Variants in FOXP2 observed in about 807,000 individuals in gnomAD.
FOXP2 encodes forkhead box protein P2.
FOXP2 carries 12 observed loss-of-function variants against 115.8 expected under a neutral mutation model. That is an observed-to-expected ratio of 0.10 (90% CI 0.07 to 0.17). The LOEUF is 0.17. Among genes scored for constraint, FOXP2 ranks in the 10% least tolerant of loss-of-function variants. FOXP2 has a pLI of 1.00. For synonymous variants in FOXP2, 328 were observed against 297.7 expected (o/e 1.10, Z -1.05); for missense variants, 629 against 843.5 (o/e 0.75, Z 3.15).
At chr7:114,316,175 T>G (rs1185730064) in intron 2 of FOXP2, among the ~76,000 whole-genome samples, 2 of 152,202 alleles carry the variant, frequency 1.3e-5, no homozygotes, top group Non-Finnish European at 2.9e-5. Context: ...TGGGTACATG[T>G]CTGTGAATGG....
chr7:114,512,631 T>G (rs1798130930), intron 2 of FOXP2, among the ~76,000 whole-genome samples: 1 of 152,164 alleles, frequency 6.6e-6, no homozygotes, highest in South Asian at 2.1e-4. Flanking sequence ...GAATATTGTC[T>G]TTAAGAAGGG....
chr7:114,227,616 G>T (rs181285181), intron 1 of FOXP2, among the ~76,000 whole-genome samples: 169 of 151,952 alleles, frequency 1.1e-3, no homozygotes, highest in African/African-American at 3.8e-3. Flanking sequence ...TTTTTTTAAA[G>T]TTAGAGGAAT....
intron 2 of FOXP2, among the ~76,000 whole-genome samples, chr7:114,377,283 C>A (rs1479910388): frequency 6.6e-6 from 1 of 151,948 alleles, no homozygotes; most frequent in African/African-American, 2.4e-5. Context: ...TCATTGAACA[C>A]TAGGTATTAA....
intron 2 of FOXP2, among the ~76,000 whole-genome samples, chr7:114,510,169 T>C (rs1414584513): frequency 6.6e-6 from 1 of 152,168 alleles, no homozygotes; most frequent in African/African-American, 2.4e-5. Context: ...CTTTCACATT[T>C]AAAGTAAGTG....
At chr7:114,305,113 G>C (rs1295020770) in intron 2 of FOXP2, among the ~76,000 whole-genome samples, 1 of 151,948 alleles carries the variant, frequency 6.6e-6, no homozygotes, top group African/African-American at 2.4e-5. Flanking sequence ...TCATTTAAAA[G>C]GTTTGTAAGA....
At chr7:114,167,712 G>A (rs376145641) in intron 1 of FOXP2, among the ~76,000 whole-genome samples, 25 of 152,082 alleles carry the variant, frequency 1.6e-4, no homozygotes, top group East Asian at 7.7e-4. Flanking sequence ...TGAGGCAGGC[G>A]GATCAGGAGG....
At chr7:114,582,733 T>C (rs1307110666) in intron 3 of FOXP2, among the ~76,000 whole-genome samples, 3 of 152,180 alleles carry the variant, frequency 2.0e-5, no homozygotes, top group Non-Finnish European at 2.9e-5. Flanking sequence ...ATAAAGCTTT[T>C]CAAATTTTAG....
intron 3 of FOXP2, among the ~76,000 whole-genome samples, chr7:114,582,808 GTTTC>G (rs2129302547): frequency 6.6e-6 from 1 of 152,224 alleles, no homozygotes; most frequent in Non-Finnish European, 1.5e-5. Flanking sequence ...TATTATGATA[GTTTC>G]TTTTTTACTG....
chr7:114,225,087 A>AT (rs1794713146), intron 1 of FOXP2, among the ~76,000 whole-genome samples: 1 of 151,790 alleles, frequency 6.6e-6, no homozygotes, highest in Admixed American at 6.6e-5. Flanking sequence ...TTATTTTTAT[A>AT]TTTTGCTGGC....
chr7:114,431,266 G>A lies in FOXP2; in HGVS notation c.168+4587G>A, dbSNP rs571373942. ...AATCCTTTCACATTTGTTATCTCTC[G>A]CCCAATTCCAGGGATGGGGCGCCTT... On this transcript the variant is annotated intron_variant, in intron 2 of 16. Transcript: ENST00000350908. 5.3e-5 allele frequency among the ~76,000 whole-genome samples: 8 copies of A among 151,730 alleles called. No individual in the cohort carries two copies. In the East Asian group the frequency reaches 5.8e-4, roughly 11 times the overall value.
chr7:114,350,753 G>T (rs1791466046), intron 2 of FOXP2, among the ~76,000 whole-genome samples: 1 of 151,958 alleles, frequency 6.6e-6, no homozygotes, highest in Non-Finnish European at 1.5e-5. Flanking sequence ...TGGTTATTCT[G>T]CTACAATTTA....
At chr7:114,240,844 T>C in intron 1 of FOXP2, among the ~76,000 whole-genome samples, 1 of 152,064 alleles carries the variant, frequency 6.6e-6, no homozygotes, top group East Asian at 1.9e-4. Context: ...ACCAAACCTA[T>C]TAAATGAATA....
intron 2 of FOXP2, among the ~76,000 whole-genome samples, chr7:114,340,627 C>G (rs1000558882): frequency 2.0e-5 from 3 of 151,016 alleles, no homozygotes; most frequent in Non-Finnish European, 4.5e-5. Flanking sequence ...CTTGGAGGTC[C>G]TCTAACCACT....
At chr7:114,629,031 T>G in intron 4 of FOXP2, 1 of 254,208 alleles carries the variant, frequency 3.9e-6, no homozygotes. Context: ...TCCTAACACC[T>G]TAGCATTCCT....
At chr7:114,234,298 A>C (rs911287598) in intron 1 of FOXP2, among the ~76,000 whole-genome samples, 2 of 152,176 alleles carry the variant, frequency 1.3e-5, no homozygotes, top group Middle Eastern at 3.2e-3. Context: ...CAGCAGGGTT[A>C]AGATTTTCTT....
intron 2 of FOXP2, among the ~76,000 whole-genome samples, chr7:114,527,573 T>G (rs913364944): frequency 3.3e-5 from 5 of 152,158 alleles, no homozygotes; most frequent in African/African-American, 9.7e-5. Flanking sequence ...AAATCTGTTG[T>G]CAGTGGGATC....
At chr7:114,114,587 C>A (rs1791355345) in intron 1 of FOXP2, among the ~76,000 whole-genome samples, 1 of 151,932 alleles carries the variant, frequency 6.6e-6, no homozygotes, top group Non-Finnish European at 1.5e-5. Context: ...CTCCATTGTG[C>A]CATAGATGAA....
At chr7:114,225,939 A>G (rs932885411) in intron 1 of FOXP2, among the ~76,000 whole-genome samples, 1 of 152,162 alleles carries the variant, frequency 6.6e-6, no homozygotes, top group Non-Finnish European at 1.5e-5. Context: ...ACTTGTAGAA[A>G]GAGACTCTGA....
At chr7:114,341,754 C>G (rs945506377) in intron 2 of FOXP2, among the ~76,000 whole-genome samples, 2 of 151,242 alleles carry the variant, frequency 1.3e-5, no homozygotes, top group Non-Finnish European at 1.5e-5. Flanking sequence ...CATTAGCTAA[C>G]TACACCATTT....
Sources: allele counts gnomAD v4.1 joint callset (sites outside exome capture counted in the v4.1 genomes callset), GRCh38; gene constraint gnomAD v4.1.1; transcripts MANE v1.5; gene names NCBI Gene and HGNC (gene_info 2026-07-23, HGNC 2026-07-21).